Variants in PDE4B observed in about 807,000 individuals in gnomAD.
PDE4B encodes the protein phosphodiesterase 4B.
In PDE4B, 20 loss-of-function variants were observed where a neutral mutation model predicts 82.2. That is an observed-to-expected ratio of 0.24 (90% CI 0.17 to 0.35). The LOEUF is 0.35. PDE4B is among the 10% of genes least tolerant of loss of function. The pLI is 1.00. For missense variants in PDE4B, 655 were observed against 907.2 expected (o/e 0.72, Z 3.57); for synonymous variants, 320 against 318.9 (o/e 1.00, Z -0.04).
chr1:66,187,911 T>C (rs1331793817), intron 3 of PDE4B, among the ~76,000 whole-genome samples: 1 of 151,614 alleles, frequency 6.6e-6, no homozygotes, highest in Non-Finnish European at 1.5e-5. Context: ...TTTCTAGTTC[T>C]TTTAATTGTG....
intron 6 of PDE4B, among the ~76,000 whole-genome samples, chr1:66,259,377 A>C (rs1654508212): frequency 6.6e-6 from 1 of 152,152 alleles, no homozygotes; most frequent in Admixed American, 6.5e-5. Context: ...CCAGGTCTCT[A>C]GCCACATGGA....
intron 3 of PDE4B, among the ~76,000 whole-genome samples, chr1:66,150,838 T>A (rs59412782): frequency 0.016 from 2,397 of 152,324 alleles, 57 homozygotes; most frequent in African/African-American, 0.055. Flanking sequence ...ATTACATTAA[T>A]TAACTTTCGT....
intron 1 of PDE4B, among the ~76,000 whole-genome samples, chr1:65,826,475 CA>C (rs1056287392): frequency 6.6e-6 from 1 of 152,058 alleles, no homozygotes; most frequent in Non-Finnish European, 1.5e-5. Flanking sequence ...GAGGTCCCAC[CA>C]GGTACTCAGA....
intron 3 of PDE4B, among the ~76,000 whole-genome samples, chr1:65,932,987 G>A (rs1647921657): frequency 6.6e-6 from 1 of 151,962 alleles, no homozygotes; most frequent in African/African-American, 2.4e-5. Flanking sequence ...GCACATTATA[G>A]GAGTTCTTGG....
chr1:66,249,928 A>G (rs912286501), intron 4 of PDE4B, among the ~76,000 whole-genome samples: 4 of 152,330 alleles, frequency 2.6e-5, no homozygotes, highest in Middle Eastern at 3.4e-3. Flanking sequence ...TGAAAATAGC[A>G]CAAGATTTTG....
intron 3 of PDE4B, among the ~76,000 whole-genome samples, chr1:65,945,007 G>A (rs1346161534): frequency 6.6e-6 from 1 of 152,000 alleles, no homozygotes; most frequent in Non-Finnish European, 1.5e-5. Context: ...TAAGGCTGCT[G>A]CTAAATCATG....
intron 7 of PDE4B, among the ~76,000 whole-genome samples, chr1:66,297,644 T>C (rs1657606298): frequency 6.6e-6 from 1 of 152,142 alleles, no homozygotes; most frequent in Non-Finnish European, 1.5e-5. Context: ...TCATTGCAGC[T>C]CACTCCTCAG....
chr1:65,876,432 T>G (rs1646644784), intron 1 of PDE4B, among the ~76,000 whole-genome samples: 1 of 152,090 alleles, frequency 6.6e-6, no homozygotes, highest in African/African-American at 2.4e-5. Context: ...TATATACATA[T>G]TACATGTACA....
chr1:65,994,271 G>A (rs114871011), intron 3 of PDE4B, among the ~76,000 whole-genome samples: 1,563 of 152,138 alleles, frequency 0.01, 22 homozygotes, highest in African/African-American at 0.035. Flanking sequence ...TTAAAGTTAC[G>A]CCTAGAAATA....
At chr1:66,255,049 T>C (rs1290986306) in intron 4 of PDE4B, among the ~76,000 whole-genome samples, 3 of 151,874 alleles carry the variant, frequency 2.0e-5, no homozygotes, top group African/African-American at 7.3e-5. Context: ...TTTTCTTTCA[T>C]TCTTTTTTTC....
chr1:65,873,781 A>G (rs1287871009), intron 1 of PDE4B, among the ~76,000 whole-genome samples: 4 of 152,192 alleles, frequency 2.6e-5, no homozygotes, highest in African/African-American at 9.6e-5. Flanking sequence ...CTTGAAATAT[A>G]TTTCATAAAT....
At chr1:66,085,066 C>G (rs190592852) in intron 3 of PDE4B, among the ~76,000 whole-genome samples, 107 of 152,210 alleles carry the variant, frequency 7.0e-4, no homozygotes, top group African/African-American at 2.5e-3. Context: ...TATACCTATG[C>G]CAGGCTCTGT....
intron 1 of PDE4B, among the ~76,000 whole-genome samples, chr1:65,802,305 T>C (rs1458575817): frequency 6.6e-6 from 1 of 152,150 alleles, no homozygotes; most frequent in Non-Finnish European, 1.5e-5. Context: ...TGTCACCAGT[T>C]TTCTCCTGGT....
chr1:66,031,034 G>A (rs1397898161), intron 3 of PDE4B, among the ~76,000 whole-genome samples: 1 of 152,060 alleles, frequency 6.6e-6, no homozygotes, highest in Non-Finnish European at 1.5e-5. Flanking sequence ...TGGGTGACAG[G>A]GTCATTGGGA....
chr1:65,839,890 A>T (rs12128190), intron 1 of PDE4B, among the ~76,000 whole-genome samples: 14,866 of 152,182 alleles, frequency 0.098, 963 homozygotes, highest in Non-Finnish European at 0.14. Flanking sequence ...TCCCTCCAAC[A>T]GTGTAAAAGT....
intron 3 of PDE4B, among the ~76,000 whole-genome samples, chr1:66,227,769 A>G (rs765371620): frequency 8.5e-5 from 13 of 152,200 alleles, no homozygotes; most frequent in Non-Finnish European, 1.8e-4. Context: ...TGAAATCCAC[A>G]TTTTTATGGA....
intron 3 of PDE4B, among the ~76,000 whole-genome samples, chr1:66,187,698 A>T (rs1647307803): frequency 6.6e-6 from 1 of 151,690 alleles, no homozygotes; most frequent in South Asian, 2.1e-4. Context: ...ATCATTTTTT[A>T]TTGCATCTGT....
chr1:66,202,393 G>C (rs1007321464), intron 3 of PDE4B, among the ~76,000 whole-genome samples: 2 of 152,138 alleles, frequency 1.3e-5, no homozygotes, highest in South Asian at 4.1e-4. Flanking sequence ...TTCAATTCCT[G>C]GGTATCCTTG....
intron 7 of PDE4B, 22 bp downstream of exon 7, chr1:66,266,109 A>C (rs1266144853): frequency 6.3e-7 from 1 of 1,575,146 alleles, no homozygotes; most frequent in Non-Finnish European, 8.7e-7. Flanking sequence ...CATAAGGTCT[A>C]TCTAGATGTT....
Sources: gnomAD v4.1 joint callset for allele counts (sites outside exome capture counted in the v4.1 genomes callset) on GRCh38, gnomAD v4.1.1 for gene constraint, MANE v1.5 for transcripts, NCBI Gene and HGNC (gene_info 2026-07-23, HGNC 2026-07-21) for gene names.